The following BMX variants were observed in gnomAD, a reference collection of about 807,000 sequenced individuals.
The protein encoded by BMX is cytoplasmic tyrosine-protein kinase BMX.
Under a neutral mutation model 59.2 loss-of-function variants are expected in BMX, and 31 were observed. The observed-to-expected ratio is 0.52, with a 90% confidence interval of 0.39 to 0.71. The LOEUF (loss-of-function observed/expected upper bound fraction) is 0.71. Among genes scored for constraint, BMX ranks in the 30% least tolerant of loss-of-function variants. The probability of loss-of-function intolerance (pLI) is 0.00; values close to 1 mark genes in which losing one functional copy is unlikely to be tolerated. For missense variants in BMX, 474 were observed against 491.7 expected, an observed-to-expected ratio of 0.96 and a Z score of 0.34; for synonymous variants, 185 against 181.0, an observed-to-expected ratio of 1.02 and a Z score of -0.18.
At position 15,552,679 on chromosome X, in the gene BMX, C is replaced by A. The variant is rs747567538; in HGVS notation, c.1953+2682C>A. On this transcript the variant is annotated intron_variant, in intron 18 of 18. Transcript: ENST00000348343. ...AATTCTTGATAAAAATTCAGATGCA[C>A]ACAGGAAGGAGCACTGTAAAACTGG... Among the ~76,000 whole-genome samples, 11 of 112,032 alleles carry A rather than the reference C, an allele frequency of 9.8e-5. 1 individual carries two copies. In the South Asian group the frequency reaches 4.1e-3, roughly 41 times the overall value.
intron 18 of BMX, among the ~76,000 whole-genome samples, chrX:15,552,963 C>CTG (rs1308171671): frequency 8.9e-6 from 1 of 112,206 alleles, no homozygotes; most frequent in Admixed American, 9.5e-5. Context: ...ACTTTTAACA[C>CTG]AGTTAGTGCA....
Position 15,531,376 on chromosome X carries a change from T to G in BMX, c.988T>G (p.Tyr330Asp). 1 of 1,208,792 alleles carries G rather than the reference T, an allele frequency of 8.3e-7. No individual in the cohort carries two copies. Among genetic ancestry groups the G allele is most frequent in the Non-Finnish European group, 1.1e-6 (1 of 892,990 alleles). Residue 330 changes from tyrosine (Y) to aspartate (D), a missense_variant, in exon 11 of 19, where the codon TAC becomes GAC. Physicochemically the swap from Tyr to Asp is radical, Grantham distance 160. Transcript: ENST00000348343. ...MVRNSSQVGMYTVSLFSKAVN... is the reference protein window; with the variant it reads ...MVRNSSQVGMDTVSLFSKAVN... ...TAGAAATTCGAGCCAAGTGGGAATG[T>G]ACACAGTGTCCTTATTTAGTAAGGC...
At chrX:15,507,268 A>C in intron 1 of BMX, 3 of 683,218 alleles carry the variant, frequency 4.4e-6, no homozygotes, top group Non-Finnish European at 5.2e-6. Context: ...AGTGGGATGC[A>C]AATATCTTCT....
intron 14 of BMX, among the ~76,000 whole-genome samples, chrX:15,539,297 T>C (rs1486288368): frequency 9.0e-6 from 1 of 111,687 alleles, no homozygotes; most frequent in Non-Finnish European, 1.9e-5. Flanking sequence ...CATCACCTAA[T>C]CATAAAGAAA....
intron 9 of BMX, among the ~76,000 whole-genome samples, chrX:15,527,283 T>TATATATATACAC (rs1285065649): frequency 4.1e-4 from 27 of 65,836 alleles, no homozygotes; most frequent in Admixed American, 5.4e-4. Flanking sequence ...TATATATATA[T>TATATATATACAC]ACACACACAC....
At chrX:15,526,528 C>A (rs995328907) in intron 9 of BMX, among the ~76,000 whole-genome samples, 18 of 110,345 alleles carry the variant, frequency 1.6e-4, no homozygotes, top group African/African-American at 5.3e-4. Flanking sequence ...ACAAATGAGA[C>A]CTTGAACATG....
rs1460374085 is a variant in BMX, at chrX:15,529,005, T to TA, written c.885-966dup. Among the ~76,000 whole-genome samples the TA allele has an allele frequency of 2.7e-5, 3 of 112,187 alleles. No individual in the cohort carries two copies. In the Admixed American group the frequency reaches 2.8e-4, roughly 11 times the overall value. On this transcript the variant is annotated intron_variant, in intron 9 of 18. Transcript: ENST00000348343. ...TCAAGTGTTAGTTATACAGTATCCA[T>TA]AATGGTAGAGTTAAAAGAGACTTTC...
At chrX:15,514,674 G>C (rs1924081657) in intron 4 of BMX, among the ~76,000 whole-genome samples, 2 of 112,132 alleles carry the variant, frequency 1.8e-5, no homozygotes, top group African/African-American at 6.5e-5. Flanking sequence ...ATTTGTTATA[G>C]ATTACAGTTT....
chrX:15,521,782 T>C (rs980862901), intron 6 of BMX, among the ~76,000 whole-genome samples: 3 of 111,514 alleles, frequency 2.7e-5, no homozygotes, highest in Non-Finnish European at 3.8e-5. Flanking sequence ...AAATCCAGAA[T>C]AGTTGCCCCA....
At chrX:15,534,414 T>C in intron 12 of BMX, 75 bp downstream of exon 12, 1 of 906,178 alleles carries the variant, frequency 1.1e-6, no homozygotes, top group Non-Finnish European at 1.4e-6. Context: ...CTGATCCTCC[T>C]AATATTCTTA....
In BMX at chrX:15,526,561, T is replaced by C. The variant is rs992618311; in HGVS notation, c.884+466T>C. On this transcript the variant is annotated intron_variant, in intron 9 of 18. Coordinates refer to ENST00000348343, the MANE Select transcript of BMX (RefSeq NM_203281.3). ...ATGGCAATATTTATGTCGACAGATC[T>C]CTATTCTTAGGATGACCTTGTCATT... 1.8e-5 allele frequency among the ~76,000 whole-genome samples: 2 copies of C among 109,122 alleles called. 1 individual carries two copies. The highest frequency in any genetic ancestry group is 3.8e-5 in the Non-Finnish European group (2 of 52,471). The allele number at this position is 109,122 out of a possible 115,157, so 94.8% of individuals were successfully genotyped here. A position where few individuals can be genotyped will look rare whatever the true frequency, so the allele number is the denominator to read the frequency against.
chrX:15,501,331 G>A (rs150745850), intron 1 of BMX, among the ~76,000 whole-genome samples: 3,589 of 111,872 alleles, frequency 0.032, 63 homozygotes, highest in Middle Eastern at 0.064. Flanking sequence ...CTTCCAAAGA[G>A]ACATAGAAAT....
At chrX:15,512,696 A>AG (rs1263503338) in intron 4 of BMX, among the ~76,000 whole-genome samples, 1 of 112,307 alleles carries the variant, frequency 8.9e-6, no homozygotes, top group Non-Finnish European at 1.9e-5. Context: ...GTCAAATAGG[A>AG]GATCACATTT....
At chrX:15,510,397 C>A (rs754561089) in intron 3 of BMX, among the ~76,000 whole-genome samples, 1 of 111,608 alleles carries the variant, frequency 9.0e-6, no homozygotes, top group Non-Finnish European at 1.9e-5. Context: ...ATTACCAGGC[C>A]AGGCACAGTG....
intron 13 of BMX, 40 bp downstream of exon 13, chrX:15,536,467 T>A: frequency 2.0e-6 from 2 of 1,023,250 alleles, no homozygotes; most frequent in Non-Finnish European, 2.7e-6. Flanking sequence ...CCATTTTCCA[T>A]CATTTTTTAT....
At position 15,525,347 on chromosome X, in the gene BMX, C is replaced by G; in HGVS notation, c.812C>G (p.Thr271Ser). Reference protein sequence around the residue: ...SNQKERNVNHTTSKISWEFPE... With the variant: ...SNQKERNVNHSTSKISWEFPE... ...CAAAAAGAAAGAAATGTGAATCACA[C>G]CACCTCAAAGATTTCATGGTAAATC... The change falls in exon 8 of 19, where the codon ACC (threonine) becomes AGC (serine). Residue 271 changes from threonine to serine, a missense_variant. By Grantham distance (58) the Thr-to-Ser change is moderately conservative (BLOSUM62 1). Transcript: ENST00000348343. 1.7e-6 allele frequency: 2 copies of G among 1,207,658 alleles called. No individual in the cohort carries two copies. Among genetic ancestry groups the G allele is most frequent in the Non-Finnish European group, 2.2e-6 (2 of 892,232 alleles).
At chrX:15,502,920 C>G (rs909928871) in intron 1 of BMX, among the ~76,000 whole-genome samples, 1 of 111,567 alleles carries the variant, frequency 9.0e-6, no homozygotes, top group Admixed American at 9.5e-5. Context: ...AGCGTCTTCC[C>G]TTTCTTTCCC....
chrX:15,527,805 A>G (rs777560795), intron 9 of BMX, among the ~76,000 whole-genome samples: 3 of 111,741 alleles, frequency 2.7e-5, no homozygotes, highest in Non-Finnish European at 5.6e-5. Context: ...TGGTCTCTTT[A>G]TCACCTTCTA....
chrX:15,543,737 A>G (rs1394870551), intron 16 of BMX, among the ~76,000 whole-genome samples: 2 of 111,624 alleles, frequency 1.8e-5, no homozygotes, highest in Admixed American at 9.5e-5. Flanking sequence ...TCACAAAGTA[A>G]GGCATAAAAC....
Sources: allele counts gnomAD v4.1 joint callset (sites outside exome capture counted in the v4.1 genomes callset), GRCh38; gene constraint gnomAD v4.1.1; transcripts MANE v1.5; gene names NCBI Gene and HGNC (gene_info 2026-07-23, HGNC 2026-07-21).